LRSAM1: variants seen among roughly 807,000 people sequenced by gnomAD.
LRSAM1 encodes E3 ubiquitin-protein ligase LRSAM1.
Under a neutral mutation model 118.1 loss-of-function variants are expected in LRSAM1, and 96 were observed. The observed-to-expected ratio is 0.81, with a 90% CI of 0.69 to 0.96. The LOEUF (loss-of-function observed/expected upper bound fraction) is 0.96, where lower values mean the gene tolerates loss of function less well. Ranked by LOEUF, LRSAM1 falls within the 40% of genes least tolerant of loss-of-function variation. LRSAM1 has a pLI of 0.00. For missense variants in LRSAM1, 804 were observed against 915.5 expected (o/e 0.88, Z 1.57); for synonymous variants, 322 against 364.2 (o/e 0.88, Z 1.32).
intron 6 of LRSAM1, among the ~76,000 whole-genome samples, chr9:127,458,642 GA>G (rs1834617535): frequency 6.6e-6 from 1 of 152,038 alleles, no homozygotes; most frequent in African/African-American, 2.4e-5. Context: ...AGCAAAGGGG[GA>G]AACATCTATA....
chr9:127,455,600 T>C lies in LRSAM1; in HGVS notation c.154T>C (p.Cys52Arg), dbSNP rs755427350. Residue 52 changes from cysteine (C) to arginine (R), a missense_variant, in exon 5 of 26, where the codon TGC (cysteine) becomes CGC (arginine). Cys to Arg is a radical substitution (Grantham distance 180). Transcript: ENST00000300417. ...SEIPFGAFAT[C>R]KVLQKKVLIV... ...GATTCCATTTGGAGCTTTTGCAACA[T>C]GCAAAGTTCTGCAGAAGAAGGTAAG... 6.2e-7 allele frequency: 1 copy of C among 1,614,226 alleles called. No homozygotes were observed. Among genetic ancestry groups the C allele is most frequent in the Non-Finnish European group, 8.5e-7 (1 of 1,180,032 alleles).
At chr9:127,460,847 CTTTT>C (rs58140930) in intron 7 of LRSAM1, among the ~76,000 whole-genome samples, 11 of 77,424 alleles carry the variant, frequency 1.4e-4, no homozygotes, top group East Asian at 4.0e-4. Flanking sequence ...CTGTTTCTTT[CTTTT>C]TTTTTTTTTT....
chr9:127,489,360 A>G, intron 18 of LRSAM1, 84 bp from the exon 19 acceptor site: 5 of 1,495,090 alleles, frequency 3.3e-6, no homozygotes, highest in East Asian at 4.8e-5. Flanking sequence ...TGCTTTGTAC[A>G]CAGCTTTTGC....
In LRSAM1 at chr9:127,458,864, A is replaced by G. The variant is rs965475707; in HGVS notation, c.253-139A>G. 1.6e-4 allele frequency: 123 copies of G among 761,226 alleles called. 1 individual carries two copies. The East Asian group carries it at 3.1e-3, about 19-fold the overall frequency. The allele number at this position is 761,226 out of a possible 1,614,324, so 47.2% of individuals were successfully genotyped here. ...GGAAAATGAGGCGGGAATGATCAACACTGAGTGGGAAAGGAGTGGCAGGCA... is the reference window on the plus strand; with the variant it reads ...GGAAAATGAGGCGGGAATGATCAACGCTGAGTGGGAAAGGAGTGGCAGGCA... On this transcript the variant is annotated intron_variant, in intron 6 of 25. Transcript: ENST00000300417.
intron 18 of LRSAM1, 35 bp from the exon 19 acceptor site, chr9:127,489,409 C>G: frequency 6.3e-7 from 1 of 1,586,402 alleles, no homozygotes; most frequent in East Asian, 2.3e-5. Flanking sequence ...AGTGTGGGCA[C>G]GGCCCCTGCT....
chr9:127,498,400 T>G (rs539244065), intron 24 of LRSAM1, among the ~76,000 whole-genome samples: 1 of 152,182 alleles, frequency 6.6e-6, no homozygotes, highest in African/African-American at 2.4e-5. Flanking sequence ...CCATCAGGAG[T>G]TGGGGTCACC....
intron 2 of LRSAM1, among the ~76,000 whole-genome samples, chr9:127,453,189 C>T (rs1370779284): frequency 6.6e-6 from 1 of 152,214 alleles, no homozygotes; most frequent in Non-Finnish European, 1.5e-5. Context: ...TCAAGCAATT[C>T]TCGTTCCTCA....
At chr9:127,500,178 T>C (rs1212745632) in intron 24 of LRSAM1, among the ~76,000 whole-genome samples, 2 of 151,406 alleles carry the variant, frequency 1.3e-5, no homozygotes, top group African/African-American at 2.4e-5. Context: ...CTGGCCAACA[T>C]GGTGAAACCC....
chr9:127,497,438 T>C (rs1204653478), intron 24 of LRSAM1, 104 bp downstream of exon 24: 2 of 1,165,340 alleles, frequency 1.7e-6, no homozygotes, highest in Non-Finnish European at 2.5e-6. Flanking sequence ...TCCTGAGGGC[T>C]GGTTCTAGCC....
chr9:127,482,753 C>T (rs1397130850), intron 15 of LRSAM1, among the ~76,000 whole-genome samples, 197 bp from the exon 16 acceptor site: 1 of 152,206 alleles, frequency 6.6e-6, no homozygotes, highest in Non-Finnish European at 1.5e-5. Flanking sequence ...TCTTTTTACA[C>T]AAGATACTCG....
intron 24 of LRSAM1, among the ~76,000 whole-genome samples, chr9:127,498,701 G>T (rs1413646606): frequency 2.0e-5 from 3 of 152,190 alleles, no homozygotes; most frequent in Non-Finnish European, 4.4e-5. Context: ...AGAAGGCAAG[G>T]GAAACCCTCA....
At chr9:127,490,546 T>C (rs1296861818) in intron 19 of LRSAM1, among the ~76,000 whole-genome samples, 1 of 152,158 alleles carries the variant, frequency 6.6e-6, no homozygotes, top group African/African-American at 2.4e-5. Flanking sequence ...GGTCAGCTAT[T>C]GCCCTTAAAC....
In LRSAM1 at chr9:127,484,802, C is replaced by CTTTTTTCTT. The variant is rs1184060505; in HGVS notation, c.1160-928_1160-927insCTTTTTTTT. 2.4e-4 allele frequency among the ~76,000 whole-genome samples: 15 copies of CTTTTTTCTT among 61,262 alleles called. 1 individual carries two copies. Among genetic ancestry groups the CTTTTTTCTT allele is most frequent in the Non-Finnish European group, 3.9e-4 (8 of 20,390 alleles). The allele number at this position is 61,262 out of a possible 152,430, so 40.2% of individuals were successfully genotyped here. ...CAATTATTTTAATTTTTTGATTTTT[C>CTTTTTTCTT]TTTTTTTCTTTTTTTTTTTTTTTTG... On this transcript the variant is annotated intron_variant, in intron 16 of 25. Transcript: ENST00000300417.
At chr9:127,480,005 C>G in intron 14 of LRSAM1, 27 bp downstream of exon 14, 1 of 1,614,196 alleles carries the variant, frequency 6.2e-7, no homozygotes, top group Non-Finnish European at 8.5e-7. Flanking sequence ...CGGCCCCAGC[C>G]CCAGAGTCCT....
intron 21 of LRSAM1, 142 bp downstream of exon 21, chr9:127,493,039 T>C: frequency 1.3e-6 from 1 of 759,226 alleles, no homozygotes. Flanking sequence ...AATAATTGCA[T>C]TTCCAAGCGT....
At chr9:127,500,099 G>T (rs528824237) in intron 24 of LRSAM1, among the ~76,000 whole-genome samples, 1 of 151,880 alleles carries the variant, frequency 6.6e-6, no homozygotes, top group Non-Finnish European at 1.5e-5. Context: ...GTTGGCTCAC[G>T]CCTGTAATCC....
chr9:127,476,425 G>A (rs10987662), intron 11 of LRSAM1, among the ~76,000 whole-genome samples: 30,474 of 152,046 alleles, frequency 0.2, 3,503 homozygotes, highest in Admixed American at 0.33. Context: ...GCACGTGCCT[G>A]TGGTCCCAGC....
chr9:127,487,569 G>T, intron 17 of LRSAM1, 107 bp from the exon 18 acceptor site: 1 of 989,306 alleles, frequency 1.0e-6, no homozygotes, highest in Non-Finnish European at 1.5e-6. Context: ...CCATGAATGT[G>T]GTCCACTGAA....
chr9:127,490,806 T>A (rs971313946), intron 19 of LRSAM1, among the ~76,000 whole-genome samples: 14 of 152,210 alleles, frequency 9.2e-5, no homozygotes, highest in African/African-American at 3.1e-4. Flanking sequence ...CCCTCTGCTC[T>A]CCCCTGCAAC....
Sources: gnomAD v4.1 joint callset for allele counts (sites outside exome capture counted in the v4.1 genomes callset) on GRCh38, gnomAD v4.1.1 for gene constraint, MANE v1.5 for transcripts, NCBI Gene and HGNC (gene_info 2026-07-23, HGNC 2026-07-21) for gene names.